Variants in KLHL32 observed in about 807,000 individuals in gnomAD.
KLHL32 encodes the protein kelch like family member 32, also known as kelch-like protein 32.
KLHL32 carries 35 observed loss-of-function variants against 64.8 expected under a neutral mutation model. That is an observed-to-expected ratio of 0.54 (90% confidence interval 0.41 to 0.72). The LOEUF (loss-of-function observed/expected upper bound fraction) is 0.72. KLHL32 is among the 30% of genes least tolerant of loss of function. The probability of loss-of-function intolerance (pLI) is 0.00; values close to 1 mark genes in which losing one functional copy is unlikely to be tolerated. For missense variants in KLHL32, 589 were observed against 768.5 expected, an observed-to-expected ratio of 0.77 and a Z score of 2.76; for synonymous variants, 259 against 281.0, an observed-to-expected ratio of 0.92 and a Z score of 0.78.
chr6:97,077,837 G>C (rs184985559), intron 5 of KLHL32, among the ~76,000 whole-genome samples: 2 of 152,128 alleles, frequency 1.3e-5, no homozygotes, highest in East Asian at 3.8e-4. Context: ...CAATCTATGA[G>C]AAAGACATTA....
chr6:96,975,947 C>T, intron 2 of KLHL32, 50 bp from the exon 3 acceptor site: 1 of 1,443,776 alleles, frequency 6.9e-7, no homozygotes. Flanking sequence ...GCAGCTGGCC[C>T]ACAGGGCTGG....
rs1800427212 is a variant in KLHL32, at chr6:97,139,286, G to A, written c.*4G>A. ...TCACAGGATTGGCACCATCTGAAAA[G>A]CCAAGCCATCATGAACAGGAGGAAA... is the stretch of plus-strand genomic sequence containing the variant. On this transcript the variant is annotated 3_prime_UTR_variant, in exon 11 of 11. Transcript: ENST00000369261. 2 of 1,611,724 alleles carry A rather than the reference G, an allele frequency of 1.2e-6. No homozygotes were observed. Among genetic ancestry groups the A allele is most frequent in the Non-Finnish European group, 8.5e-7 (1 of 1,178,820 alleles).
At chr6:96,940,238 T>C (rs1432031700) in intron 1 of KLHL32, among the ~76,000 whole-genome samples, 1 of 152,124 alleles carries the variant, frequency 6.6e-6, no homozygotes, top group Non-Finnish European at 1.5e-5. Context: ...ATAGAAAACA[T>C]TGGACCCATA....
At chr6:96,928,305 A>G (rs531409902) in intron 1 of KLHL32, among the ~76,000 whole-genome samples, 3 of 152,308 alleles carry the variant, frequency 2.0e-5, no homozygotes, top group South Asian at 4.1e-4. Flanking sequence ...TCCACCAGAC[A>G]GTCTGTTGGA....
chr6:96,903,655 C>T, the KLHL32 span, among the ~76,000 whole-genome samples: 1 of 152,176 alleles, frequency 6.6e-6, no homozygotes, highest in African/African-American at 2.4e-5. Flanking sequence ...TGCCAATGAC[C>T]AAGTAAGCCT....
intron 5 of KLHL32, among the ~76,000 whole-genome samples, chr6:97,067,148 G>A (rs912032562): frequency 6.6e-6 from 1 of 152,184 alleles, no homozygotes; most frequent in African/African-American, 2.4e-5. Flanking sequence ...AGCTCCAAGG[G>A]AAACCGTTGG....
At chr6:96,948,741 T>C (rs62413869) in intron 1 of KLHL32, among the ~76,000 whole-genome samples, 11,562 of 152,092 alleles carry the variant, frequency 0.076, 474 homozygotes, top group Middle Eastern at 0.14. Context: ...CTTCAGTCAC[T>C]GTGATGGATT....
intron 3 of KLHL32, among the ~76,000 whole-genome samples, chr6:97,004,864 G>A (rs1779467049): frequency 6.6e-6 from 1 of 152,020 alleles, no homozygotes; most frequent in South Asian, 2.1e-4. Flanking sequence ...TGTGCTGCTG[G>A]GTCTGGTTTA....
intron 8 of KLHL32, among the ~76,000 whole-genome samples, chr6:97,128,256 T>C (rs190377188): frequency 3.3e-4 from 50 of 152,342 alleles, no homozygotes; most frequent in Admixed American, 9.8e-4. Context: ...TGGTATCTTT[T>C]TATTTTAGCA....
intron 3 of KLHL32, among the ~76,000 whole-genome samples, chr6:97,016,105 AG>A (rs995271840): frequency 6.6e-6 from 1 of 152,260 alleles, no homozygotes; most frequent in African/African-American, 2.4e-5. Context: ...AACCTCTGCT[AG>A]GGCAATGCAG....
chr6:96,989,112 AT>A (rs1317424446), intron 3 of KLHL32, among the ~76,000 whole-genome samples: 1 of 152,218 alleles, frequency 6.6e-6, no homozygotes, highest in East Asian at 1.9e-4. Context: ...AATAAAAAAA[AT>A]ATTGACATGT....
At chr6:96,979,674 A>T (rs531425973) in intron 3 of KLHL32, among the ~76,000 whole-genome samples, 1 of 152,254 alleles carries the variant, frequency 6.6e-6, no homozygotes, top group South Asian at 2.1e-4. Context: ...ATTTTAGAAT[A>T]GGTTTTTTCT....
At chr6:97,037,886 A>G (rs1784533018) in intron 3 of KLHL32, among the ~76,000 whole-genome samples, 1 of 152,198 alleles carries the variant, frequency 6.6e-6, no homozygotes, top group African/African-American at 2.4e-5. Context: ...CAGACAACTC[A>G]TCTTTGCAAA....
chr6:97,049,683 A>T (rs1342384932), intron 4 of KLHL32, among the ~76,000 whole-genome samples: 2 of 152,180 alleles, frequency 1.3e-5, no homozygotes, highest in Admixed American at 1.3e-4. Flanking sequence ...TGGAGTGTTG[A>T]CATGGAAAGT....
intron 6 of KLHL32, among the ~76,000 whole-genome samples, chr6:97,091,428 T>C (rs894440919): frequency 1.3e-5 from 2 of 152,170 alleles, no homozygotes; most frequent in Non-Finnish European, 2.9e-5. Context: ...CCATGTCCTG[T>C]GGGGTACTAC....
intron 3 of KLHL32, among the ~76,000 whole-genome samples, chr6:97,013,487 T>C (rs1159823852): frequency 6.6e-6 from 1 of 152,114 alleles, no homozygotes; most frequent in Non-Finnish European, 1.5e-5. Flanking sequence ...TGCTAGGTGG[T>C]GTTTTTGTTT....
At chr6:96,936,608 C>T (rs1770632237) in intron 1 of KLHL32, among the ~76,000 whole-genome samples, 2 of 152,198 alleles carry the variant, frequency 1.3e-5, no homozygotes, top group African/African-American at 4.8e-5. Flanking sequence ...TTGTCCCAGT[C>T]AACATTACCT....
intron 3 of KLHL32, among the ~76,000 whole-genome samples, chr6:97,033,899 G>A (rs1028103141): frequency 6.6e-6 from 1 of 151,918 alleles, no homozygotes; most frequent in Non-Finnish European, 1.5e-5. Context: ...TTTTGCTATT[G>A]AATTTTGAGT....
At chr6:97,117,179 T>G (rs1193615747) in intron 7 of KLHL32, among the ~76,000 whole-genome samples, 2 of 152,196 alleles carry the variant, frequency 1.3e-5, no homozygotes, top group African/African-American at 2.4e-5. Context: ...CAGGTATAGT[T>G]CACCCTGCCT....
Sources: gnomAD v4.1 joint callset for allele counts (sites outside exome capture counted in the v4.1 genomes callset) on GRCh38, gnomAD v4.1.1 for gene constraint, MANE v1.5 for transcripts, NCBI Gene and HGNC (gene_info 2026-07-23, HGNC 2026-07-21) for gene names.